RPS6KA2: variants seen among roughly 807,000 people sequenced by gnomAD.
The protein encoded by RPS6KA2 is ribosomal protein S6 kinase alpha-2.
Under a neutral mutation model 91.8 loss-of-function variants are expected in RPS6KA2, and 42 were observed. That is an observed-to-expected ratio of 0.46 (90% CI 0.36 to 0.59). RPS6KA2 has a LOEUF of 0.59. RPS6KA2 is among the 20% of genes least tolerant of loss of function. The pLI, the probability that RPS6KA2 is intolerant of heterozygous loss-of-function variation, is 0.00. For synonymous variants in RPS6KA2, 414 were observed against 393.6 expected (o/e 1.05, Z -0.61); for missense variants, 798 against 978.5 (o/e 0.82, Z 2.46).
rs538698285 is a variant in RPS6KA2, at chr6:166,626,886, C to G, written c.99+35G>C. On this transcript the variant is annotated intron_variant, in intron 1 of 20. Transcript: ENST00000265678. This position sits in a 1 kb window ranked among gnomAD's most constrained non-coding sequence, Gnocchi z 4.1. Reference sequence around the variant, plus strand: ...CGGGCGACCACGGCCCGCTCAGTGCCCGGCACCTGCGCGCCCCGAGGGCGG... The same window carrying G: ...CGGGCGACCACGGCCCGCTCAGTGCGCGGCACCTGCGCGCCCCGAGGGCGG... 5.3e-4 allele frequency: 773 copies of G among 1,447,776 alleles called. 1 individual carries two copies. The highest frequency in any genetic ancestry group is 6.7e-4 in the Non-Finnish European group (733 of 1,091,766). The allele number at this position is 1,447,776 out of a possible 1,614,324, so 89.7% of individuals were successfully genotyped here. A position where few individuals can be genotyped will look rare whatever the true frequency, so the allele number is the denominator to read the frequency against.
chr6:166,838,933 A>G (rs1780387522), intron 2 of RPS6KA2, among the ~76,000 whole-genome samples: 1 of 152,176 alleles, frequency 6.6e-6, no homozygotes, highest in Non-Finnish European at 1.5e-5. Context: ...AGATGTGGCC[A>G]TGGAGGTCGG....
chr6:166,721,123 C>A (rs1007412827), intron 2 of RPS6KA2, among the ~76,000 whole-genome samples: 5 of 152,198 alleles, frequency 3.3e-5, no homozygotes, highest in African/African-American at 1.2e-4. Context: ...TCACGAGGAT[C>A]CCTACTTGAA....
intron 2 of RPS6KA2, among the ~76,000 whole-genome samples, chr6:166,720,175 T>C (rs1013117445): frequency 2.0e-5 from 3 of 152,360 alleles, no homozygotes; most frequent in African/African-American, 7.2e-5. Context: ...ATTAAATTCC[T>C]ATTCCTATTT....
chr6:166,823,432 G>T (rs1191268388), intron 2 of RPS6KA2, among the ~76,000 whole-genome samples: 1 of 89,612 alleles, frequency 1.1e-5, no homozygotes, highest in Non-Finnish European at 2.3e-5. Context: ...TATTGGTTTT[G>T]CAGTGTGTGT....
intron 3 of RPS6KA2, among the ~76,000 whole-genome samples, chr6:166,520,682 A>G (rs9366025): frequency 0.34 from 51,237 of 152,098 alleles, 9,607 homozygotes; most frequent in East Asian, 0.52. Flanking sequence ...CAGCTAGAAA[A>G]GGCCTATCTT....
chr6:166,837,900 T>C (rs375444793), intron 2 of RPS6KA2, among the ~76,000 whole-genome samples: 1 of 152,390 alleles, frequency 6.6e-6, no homozygotes, highest in African/African-American at 2.4e-5. Flanking sequence ...CCAAATATCT[T>C]CTACGGAATG....
At chr6:166,539,021 C>A (rs1427176128) in intron 1 of RPS6KA2, among the ~76,000 whole-genome samples, 4 of 152,200 alleles carry the variant, frequency 2.6e-5, no homozygotes, top group African/African-American at 9.6e-5. Context: ...CTGCAACCTC[C>A]ACCTCCCAGG....
At chr6:166,586,468 T>C (rs1489361484) in intron 1 of RPS6KA2, 10 of 1,598,014 alleles carry the variant, frequency 6.3e-6, no homozygotes, top group Non-Finnish European at 4.2e-6. Context: ...GCTTCGGCAG[T>C]GTCAGTCATT....
intron 12 of RPS6KA2, among the ~76,000 whole-genome samples, chr6:166,454,780 CA>C (rs1368309139): frequency 6.6e-6 from 1 of 150,874 alleles, no homozygotes; most frequent in African/African-American, 2.4e-5. Flanking sequence ...TTTGTCAAAT[CA>C]AAAAAGCAAA....
chr6:166,475,713 C>A, intron 10 of RPS6KA2: 1 of 517,348 alleles, frequency 1.9e-6, no homozygotes, highest in Non-Finnish European at 4.0e-6. Context: ...GGGATTCAGT[C>A]TAGAACTCTT....
rs1788623063 is a variant in RPS6KA2 at position 166,676,454 on chromosome 6, A to T, written c.124-137670T>A. On this transcript the variant is annotated intron_variant, in intron 2 of 21. Coordinates refer to the RPS6KA2 transcript ENST00000503859. ...TGGCCGGTTGATCTCCGGAAGCGCA[A>T]GTCCACCCTGTGATTCCACGCCTCA... is the stretch of plus-strand genomic sequence containing the variant. Among the ~76,000 whole-genome samples the T allele has an allele frequency of 2.0e-5, 3 of 152,174 alleles. No homozygotes were observed. In the South Asian group the frequency reaches 6.2e-4, roughly 32 times the overall value.
chr6:166,647,302 G>A (rs1346651554), intron 2 of RPS6KA2, among the ~76,000 whole-genome samples: 1 of 152,060 alleles, frequency 6.6e-6, no homozygotes, highest in Non-Finnish European at 1.5e-5. Context: ...CTGTGCGTTT[G>A]ATCGCTCTGT....
At chr6:166,512,211 C>A (rs897929751) in intron 3 of RPS6KA2, among the ~76,000 whole-genome samples, 1 of 152,104 alleles carries the variant, frequency 6.6e-6, no homozygotes. Flanking sequence ...GTGAAATAAG[C>A]CAGACACAAG....
intron 2 of RPS6KA2, among the ~76,000 whole-genome samples, chr6:166,793,517 T>C (rs1307158237): frequency 1.3e-5 from 2 of 148,690 alleles, no homozygotes; most frequent in African/African-American, 5.0e-5. Flanking sequence ...AAAGTTCATA[T>C]GGAACCAAAA....
chr6:166,554,192 AT>A lies in RPS6KA2; in HGVS notation c.100-15409del, dbSNP rs1341299806. Among the ~76,000 whole-genome samples the A allele has an allele frequency of 6.6e-6, 1 of 152,122 alleles. No individual in the cohort carries two copies. Among genetic ancestry groups the A allele is most frequent in the Non-Finnish European group, 1.5e-5 (1 of 68,010 alleles). ...GCTACTTCTTCCCACAGAGTGACAT[AT>A]TTTTCTTATTAGACTTAGAGCTTTT... On this transcript the variant is annotated intron_variant, in intron 1 of 20. Transcript: ENST00000265678. The surrounding 1 kb of genome is among the most constrained non-coding windows in gnomAD (Gnocchi z 4.3).
At position 166,827,256 on chromosome 6, in the gene RPS6KA2, CAAAAAAAAAAAAAAA is replaced by C. The variant is rs56296433; in HGVS notation, c.123+30929_123+30943del. On this transcript the variant is annotated intron_variant, in intron 2 of 21. Coordinates refer to the RPS6KA2 transcript ENST00000503859. Reference sequence around the variant, plus strand: ...GCACAAAGGCCATCACAACCTTATACAAAAAAAAAAAAAAAAAAAAAAAAAAAAAAATGCTTCTGG... The same window carrying C: ...GCACAAAGGCCATCACAACCTTATACAAAAAAAAAAAAAAAATGCTTCTGG... Among the ~76,000 whole-genome samples, 48 of 94,472 alleles carry C rather than the reference CAAAAAAAAAAAAAAA, an allele frequency of 5.1e-4. 1 individual carries two copies. Among genetic ancestry groups the C allele is most frequent in the African/African-American group, 5.1e-4 (12 of 23,678 alleles). The allele number at this position is 94,472 out of a possible 152,430, so 62.0% of individuals were successfully genotyped here.
In RPS6KA2 at chr6:166,771,031, C is replaced by A. The variant is rs58497131; in HGVS notation, c.123+87169G>T. Reference sequence around the variant, plus strand: ...CACCAGGCCTGTGAGCTTTTTGTTTCTAAACATTAATCTCCACATAATTTT... The same window carrying A: ...CACCAGGCCTGTGAGCTTTTTGTTTATAAACATTAATCTCCACATAATTTT... On this transcript the variant is annotated intron_variant, in intron 2 of 21. Transcript: ENST00000503859. 6.0e-3 allele frequency: 4,639 copies of A among 768,794 alleles called. 130 individuals are homozygous for A. In the African/African-American group the frequency reaches 0.07, roughly 12 times the overall value. The allele number at this position is 768,794 out of a possible 1,614,324, so 47.6% of individuals were successfully genotyped here. A position where few individuals can be genotyped will look rare whatever the true frequency, so the allele number is the denominator to read the frequency against.
At position 166,799,979 on chromosome 6, in the gene RPS6KA2, C is replaced by T. The variant is rs1360925220; in HGVS notation, c.123+58221G>A. On this transcript the variant is annotated intron_variant, in intron 2 of 21. Coordinates refer to the RPS6KA2 transcript ENST00000503859. ...TCTCAGGAGATGCGCTAAGCACAGG[C>T]CCCAGGCCTGCCTGGTGGGGATTTG... 2.6e-5 allele frequency among the ~76,000 whole-genome samples: 4 copies of T among 152,326 alleles called. No individual in the cohort carries two copies. The East Asian group carries it at 7.7e-4, about 29-fold the overall frequency.
At chr6:166,839,205 G>A (rs998723649) in intron 2 of RPS6KA2, among the ~76,000 whole-genome samples, 14 of 152,322 alleles carry the variant, frequency 9.2e-5, no homozygotes, top group African/African-American at 2.9e-4. Flanking sequence ...AAGTCATGGT[G>A]TTCCCCCCTT....
Sources: gnomAD v4.1 joint callset for allele counts (sites outside exome capture counted in the v4.1 genomes callset) on GRCh38, gnomAD v4.1.1 for gene constraint, Gnocchi (gnomAD v3.1) non-coding constraint, MANE v1.5 for transcripts, NCBI Gene and HGNC (gene_info 2026-07-23, HGNC 2026-07-21) for gene names.